CADM4: variants seen among roughly 807,000 people sequenced by gnomAD.
The protein encoded by CADM4 is cell adhesion molecule 4, also known as TSLC1-like 2.
CADM4 carries 13 observed loss-of-function variants against 43.9 expected under a neutral mutation model. The ratio of observed to expected loss-of-function variants is 0.30; its 90% CI spans 0.19 to 0.47. The LOEUF (loss-of-function observed/expected upper bound fraction) is 0.47. Among genes scored for constraint, CADM4 ranks in the 20% least tolerant of loss-of-function variants. The probability of loss-of-function intolerance (pLI) is 1.00; values close to 1 mark genes in which losing one functional copy is unlikely to be tolerated. For synonymous variants in CADM4, 209 were observed against 220.9 expected (o/e 0.95, Z 0.48); for missense variants, 420 against 527.0 (o/e 0.80, Z 1.99).
At chr19:43,635,105 C>T (rs907625610) in intron 1 of CADM4, among the ~76,000 whole-genome samples, 8 of 151,680 alleles carry the variant, frequency 5.3e-5, no homozygotes, top group Non-Finnish European at 1.0e-4. Context: ...CCAGAGTACA[C>T]AGCTGGTGGA....
Position 43,623,397 on chromosome 19 carries a change from C to G in CADM4, c.1100G>C (p.Gly367Ala), listed in dbSNP as rs1480085325. 1 of 1,614,144 alleles carries G rather than the reference C, an allele frequency of 6.2e-7. No homozygotes were observed. The highest frequency in any genetic ancestry group is 2.2e-5 in the East Asian group (1 of 44,876). The stretch of plus-strand genomic sequence containing the variant: ...ATTGAGGAAGGCTTCTCTTGCTTCT[C>G]CCTGTTCATCCAAGCCACTGGCTTC... ...THEASGLDEQ[G>A]EAREAFLNGS... The change falls in exon 9 of 9, where the codon GGA becomes GCA. Residue 367 changes from glycine (G) to alanine (A), a missense_variant. Gly to Ala is a moderately conservative substitution (Grantham distance 60). Coordinates refer to ENST00000222374, the MANE Select transcript of CADM4 (RefSeq NM_145296.2). The surrounding 1 kb of genome is among the most constrained non-coding windows in gnomAD (Gnocchi z 4.4).
chr19:43,625,852 T>C lies in CADM4; in HGVS notation c.755+59A>G. Reference sequence around the variant, plus strand: ...CCCAGGAGTCCAAGTCCCTGGTCCCTGTTCTTCCAGGTCCCCAGCTTTCTC... The same window carrying C: ...CCCAGGAGTCCAAGTCCCTGGTCCCCGTTCTTCCAGGTCCCCAGCTTTCTC... On this transcript the variant is annotated intron_variant, in intron 6 of 8. Coordinates refer to ENST00000222374, the MANE Select transcript of CADM4 (RefSeq NM_145296.2). This position sits in a 1 kb window ranked among gnomAD's most constrained non-coding sequence, Gnocchi z 4.5. The C allele has an allele frequency of 6.9e-7, 1 of 1,447,958 alleles. No homozygotes were observed. Among genetic ancestry groups the C allele is most frequent in the South Asian group, 1.1e-5 (1 of 86,972 alleles). 89.7% of individuals were successfully genotyped at this position (1,447,958 alleles called of 1,614,324 possible).
intron 1 of CADM4, among the ~76,000 whole-genome samples, chr19:43,639,092 G>C (rs1387935967): frequency 6.6e-6 from 1 of 151,870 alleles, no homozygotes; most frequent in Non-Finnish European, 1.5e-5. Context: ...ATAGGGGACA[G>C]AGAAAAAGGG....
chr19:43,638,130 G>A (rs903918104), intron 1 of CADM4, among the ~76,000 whole-genome samples: 4 of 152,204 alleles, frequency 2.6e-5, no homozygotes, highest in African/African-American at 9.6e-5. Flanking sequence ...AGTCACAGAA[G>A]ACTAGAGAAG....
rs1448051660 is a variant in CADM4, at chr19:43,623,748, CTCT to C, written c.1058-312_1058-310del. Among the ~76,000 whole-genome samples, 1 of 152,174 alleles carries C rather than the reference CTCT, an allele frequency of 6.6e-6. No individual in the cohort carries two copies. The highest frequency in any genetic ancestry group is 1.5e-5 in the Non-Finnish European group (1 of 68,022). On this transcript the variant is annotated intron_variant, in intron 8 of 8. Transcript: ENST00000222374. This position sits in a 1 kb window ranked among gnomAD's most constrained non-coding sequence, Gnocchi z 4.4. ...ATAAATTGTTTTATTCAAATCCATG[CTCT>C]TTTTTTCCCCTAATTTTTTGTATTT...
chr19:43,633,812 CTAAGACTACAGAGGTGCGTAGCTA>C (rs1349154878), intron 1 of CADM4, among the ~76,000 whole-genome samples: 1 of 151,268 alleles, frequency 6.6e-6, no homozygotes, highest in Non-Finnish European at 1.5e-5. Context: ...TACCAAATAG[CTAAGACTACAGAGGTGCGTAGCTA>C]TGCCCAGCTA....
In CADM4 at chr19:43,627,347, T is replaced by C. The variant is rs1438061614; in HGVS notation, c.212-29A>G. 2 of 1,541,678 alleles carry C rather than the reference T, an allele frequency of 1.3e-6. No individual in the cohort carries two copies. Among genetic ancestry groups the C allele is most frequent in the Non-Finnish European group, 1.8e-6 (2 of 1,139,716 alleles). On this transcript the variant is annotated intron_variant, in intron 2 of 8. Transcript: ENST00000222374. This position sits in a 1 kb window ranked among gnomAD's most constrained non-coding sequence, Gnocchi z 4.0. ...GAGAGAGTGAGGGGGAAGGTGTGAA[T>C]TTCGGGAGTCCTGGCCTCACAAGTC...
intron 1 of CADM4, among the ~76,000 whole-genome samples, chr19:43,632,203 C>G (rs1418656200): frequency 6.6e-6 from 1 of 152,148 alleles, no homozygotes; most frequent in Non-Finnish European, 1.5e-5. Context: ...CTCTCCCTTT[C>G]CCTCATCCCC....
chr19:43,623,388 C>T lies in CADM4; in HGVS notation c.1109G>A (p.Arg370Lys), dbSNP rs1600093418. Reference protein sequence around the residue: ...ASGLDEQGEAREAFLNGSDGH... With the variant: ...ASGLDEQGEAKEAFLNGSDGH... The stretch of plus-strand genomic sequence containing the variant: ...GTCGCTGCCATTGAGGAAGGCTTCT[C>T]TTGCTTCTCCCTGTTCATCCAAGCC... The change falls in exon 9 of 9, where the codon AGA (arginine) becomes AAA (lysine). Residue 370 changes from arginine (R) to lysine (K), a missense_variant. Arg to Lys is a conservative substitution (Grantham distance 26). Coordinates refer to ENST00000222374, the MANE Select transcript of CADM4 (RefSeq NM_145296.2). This position sits in a 1 kb window ranked among gnomAD's most constrained non-coding sequence, Gnocchi z 4.4. The T allele has an allele frequency of 3.7e-6, 6 of 1,614,048 alleles. No individual in the cohort carries two copies. The highest frequency in any genetic ancestry group is 1.1e-5 in the South Asian group (1 of 91,092).
chr19:43,627,325 A>G lies in CADM4; in HGVS notation c.212-7T>C, dbSNP rs765467718. 3.8e-6 allele frequency: 6 copies of G among 1,564,520 alleles called. No individual in the cohort carries two copies. In the Admixed American group the frequency reaches 9.1e-5, roughly 24 times the overall value. ...AAACGCTCATCCTTCAAGGCTAGAG[A>G]GAGTGAGGGGGAAGGTGTGAATTTC... is the stretch of plus-strand genomic sequence containing the variant. On this transcript the variant is annotated splice_region_variant and splice_polypyrimidine_tract_variant and intron_variant, in intron 2 of 8. Coordinates refer to ENST00000222374, the MANE Select transcript of CADM4 (RefSeq NM_145296.2). This position sits in a 1 kb window ranked among gnomAD's most constrained non-coding sequence, Gnocchi z 4.0.
Position 43,627,160 on chromosome 19 carries a change from C to A in CADM4, c.364+6G>T, listed in dbSNP as rs772724579. The A allele has an allele frequency of 6.4e-7, 1 of 1,566,358 alleles. No individual in the cohort carries two copies. Among genetic ancestry groups the A allele is most frequent in the Non-Finnish European group, 8.7e-7 (1 of 1,152,210 alleles). On this transcript the variant is annotated splice_donor_region_variant and intron_variant, in intron 3 of 8. Coordinates refer to ENST00000222374, the MANE Select transcript of CADM4 (RefSeq NM_145296.2). The surrounding 1 kb of genome is among the most constrained non-coding windows in gnomAD (Gnocchi z 4.0). Reference sequence around the variant, plus strand: ...AGGATGCGTCTGACAAGGGGGAGGGCGTTACCTAGTACCGTGAGCGTGGCA... The same window carrying A: ...AGGATGCGTCTGACAAGGGGGAGGGAGTTACCTAGTACCGTGAGCGTGGCA...
chr19:43,623,357 G>T lies in CADM4; in HGVS notation c.1140C>A (p.His380Gln). 1 of 1,614,074 alleles carries T rather than the reference G, an allele frequency of 6.2e-7. No individual in the cohort carries two copies. Among genetic ancestry groups the T allele is most frequent in the Non-Finnish European group, 8.5e-7 (1 of 1,179,964 alleles). ...REAFLNGSDG[H>Q]KRKEEFFI ...AGATGAAGAATTCCTCTTTCCTCTTGTGTCCGTCGCTGCCATTGAGGAAGG... is the reference window on the plus strand; with the variant it reads ...AGATGAAGAATTCCTCTTTCCTCTTTTGTCCGTCGCTGCCATTGAGGAAGG... Residue 380 changes from histidine (H) to glutamine (Q), a missense_variant, in exon 9 of 9, where the codon CAC (histidine) becomes CAA (glutamine). Physicochemically the swap from His to Gln is conservative, Grantham distance 24 (BLOSUM62 0). Transcript: ENST00000222374. This position sits in a 1 kb window ranked among gnomAD's most constrained non-coding sequence, Gnocchi z 4.4.
rs1973517131 is a variant in CADM4 at position 43,625,873 on chromosome 19, T to G, written c.755+38A>C. 6.4e-7 allele frequency: 1 copy of G among 1,569,188 alleles called. No individual in the cohort carries two copies. The highest frequency in any genetic ancestry group is 1.4e-5 in the African/African-American group (1 of 73,918). On this transcript the variant is annotated intron_variant, in intron 6 of 8. Coordinates refer to ENST00000222374, the MANE Select transcript of CADM4 (RefSeq NM_145296.2). The surrounding 1 kb of genome is among the most constrained non-coding windows in gnomAD (Gnocchi z 4.5). The stretch of plus-strand genomic sequence containing the variant: ...TCCCTGTTCTTCCAGGTCCCCAGCT[T>G]TCTCCTCCTGAGGACGCAGGAGGCC...
Position 43,624,987 on chromosome 19 carries a change from ACC to A in CADM4, c.928+89_928+90del, listed in dbSNP as rs1272592933. ...CAAAAAGAACTCTGTTGGCTGCCGAACCCCTGAGTTATGTGGCCTCTTTGCTC... is the reference window on the plus strand; with the variant it reads ...CAAAAAGAACTCTGTTGGCTGCCGAACCTGAGTTATGTGGCCTCTTTGCTC... On this transcript the variant is annotated intron_variant, in intron 7 of 8. Transcript: ENST00000222374. 9.0e-6 allele frequency: 12 copies of A among 1,333,602 alleles called. No individual in the cohort carries two copies. The Admixed American group carries it at 3.0e-4, about 33-fold the overall frequency. The allele number at this position is 1,333,602 out of a possible 1,614,324, so 82.6% of individuals were successfully genotyped here.
intron 1 of CADM4, among the ~76,000 whole-genome samples, chr19:43,629,534 G>A (rs992682081): frequency 3.3e-5 from 5 of 152,168 alleles, no homozygotes; most frequent in African/African-American, 1.2e-4. Flanking sequence ...GGTACTTGCA[G>A]TGTTAGTCCC....
At position 43,622,686 on chromosome 19, in the gene CADM4, T is replaced by C. The variant is rs1207400002; in HGVS notation, c.*644A>G. On this transcript the variant is annotated 3_prime_UTR_variant, in exon 9 of 9. Coordinates refer to ENST00000222374, the MANE Select transcript of CADM4 (RefSeq NM_145296.2). ...AGGAGTGGGTGGACAGAGAGACAAA[T>C]ATGGATGGGACAGACGTTGGGGGAG... is the stretch of plus-strand genomic sequence containing the variant. The C allele has an allele frequency of 1.3e-5, 2 of 151,214 alleles. No individual in the cohort carries two copies. The highest frequency in any genetic ancestry group is 4.9e-5 in the African/African-American group (2 of 40,854). 9.4% of individuals were successfully genotyped at this position (151,214 alleles called of 1,614,324 possible).
At chr19:43,628,243 G>A (rs1027104243) in intron 1 of CADM4, among the ~76,000 whole-genome samples, 1 of 148,684 alleles carries the variant, frequency 6.7e-6, no homozygotes, top group African/African-American at 2.5e-5. Flanking sequence ...GGCCAACATG[G>A]TGAAACCCTG....
At chr19:43,624,017 C>T (rs530557118) in intron 8 of CADM4, 97 bp downstream of exon 8, 4 of 1,488,576 alleles carry the variant, frequency 2.7e-6, no homozygotes, top group Non-Finnish European at 3.7e-6. Flanking sequence ...GAATCCAGAG[C>T]CTAGGCTCCG....
chr19:43,634,490 C>T (rs1973673536), intron 1 of CADM4, among the ~76,000 whole-genome samples: 1 of 151,972 alleles, frequency 6.6e-6, no homozygotes, highest in South Asian at 2.1e-4. Flanking sequence ...TGAGGGTGCA[C>T]ATGGGGTGAG....
Sources: allele counts gnomAD v4.1 joint callset (sites outside exome capture counted in the v4.1 genomes callset), GRCh38; gene constraint gnomAD v4.1.1; non-coding constraint Gnocchi (gnomAD v3.1); transcripts MANE v1.5; gene names NCBI Gene and HGNC (gene_info 2026-07-23, HGNC 2026-07-21).